AIG1: variants seen among roughly 807,000 people sequenced by gnomAD.
AIG1 encodes the protein androgen-induced gene 1 protein.
A neutral mutation model predicts 31.4 loss-of-function variants in AIG1; 23 were observed. The observed-to-expected ratio is 0.73, with a 90% CI of 0.53 to 1.04. The LOEUF is 1.04. Among genes scored for constraint, AIG1 ranks in the 50% least tolerant of loss-of-function variants. The pLI, the probability that AIG1 is intolerant of heterozygous loss-of-function variation, is 0.00. For missense variants in AIG1, 274 were observed against 295.0 expected, an observed-to-expected ratio of 0.93 and a Z score of 0.52; for synonymous variants, 100 against 110.5, an observed-to-expected ratio of 0.90 and a Z score of 0.60.
Position 143,146,043 on chromosome 6 carries a change from C to T in AIG1, c.297+9053C>T, listed in dbSNP as rs935587553. Reference sequence around the variant, plus strand: ...ATGAAATGGTTTAATTTCTAAAGCTCCATATAAAATTTGTCAGAGGTGTCC... The same window carrying T: ...ATGAAATGGTTTAATTTCTAAAGCTTCATATAAAATTTGTCAGAGGTGTCC... On this transcript the variant is annotated intron_variant, in intron 2 of 5. Transcript: ENST00000357847. Among the ~76,000 whole-genome samples the T allele has an allele frequency of 6.8e-4, 103 of 152,184 alleles. 1 individual carries two copies. The highest frequency in any genetic ancestry group is 2.4e-3 in the African/African-American group (99 of 41,534).
At chr6:143,141,781 A>G (rs926764183) in intron 2 of AIG1, among the ~76,000 whole-genome samples, 3 of 152,226 alleles carry the variant, frequency 2.0e-5, no homozygotes, top group Non-Finnish European at 4.4e-5. Flanking sequence ...GAAGTTTATT[A>G]GCAGCAATCA....
chr6:143,281,713 T>C (rs1485947203), intron 3 of AIG1, among the ~76,000 whole-genome samples: 5 of 152,224 alleles, frequency 3.3e-5, no homozygotes, highest in Non-Finnish European at 7.3e-5. Context: ...GTACTATGTA[T>C]AAATAAACAT....
At chr6:143,178,437 T>C (rs544165127) in intron 3 of AIG1, among the ~76,000 whole-genome samples, 2 of 152,192 alleles carry the variant, frequency 1.3e-5, no homozygotes, top group Non-Finnish European at 2.9e-5. Flanking sequence ...GGTTTCCAGG[T>C]AGCTCCCTAT....
chr6:143,250,496 T>C (rs1438225313), intron 3 of AIG1, among the ~76,000 whole-genome samples: 1 of 152,244 alleles, frequency 6.6e-6, no homozygotes, highest in African/African-American at 2.4e-5. Flanking sequence ...AGAGTGATTA[T>C]TAACATATGT....
intron 2 of AIG1, among the ~76,000 whole-genome samples, chr6:143,164,540 T>C (rs965524062): frequency 2.0e-5 from 3 of 152,244 alleles, no homozygotes; most frequent in African/African-American, 7.2e-5. Flanking sequence ...TTGCTTAGTC[T>C]GTATAAATTA....
chr6:143,262,349 T>A (rs1583659864), intron 3 of AIG1, among the ~76,000 whole-genome samples: 1 of 152,248 alleles, frequency 6.6e-6, no homozygotes, highest in African/African-American at 2.4e-5. Context: ...CGCAAGTAAG[T>A]AGTAGGAAGA....
intron 3 of AIG1, among the ~76,000 whole-genome samples, chr6:143,222,858 G>A (rs978978150): frequency 7.2e-5 from 11 of 152,154 alleles, no homozygotes; most frequent in African/African-American, 2.4e-4. Context: ...TTCCAAAGCA[G>A]CTCCAAGCCT....
At chr6:143,195,360 G>A (rs1429858285) in intron 3 of AIG1, among the ~76,000 whole-genome samples, 2 of 152,192 alleles carry the variant, frequency 1.3e-5, no homozygotes, top group Non-Finnish European at 2.9e-5. Flanking sequence ...TACCCTCTAG[G>A]AAATAAGAAG....
At chr6:143,168,231 A>G (rs902768653) in intron 3 of AIG1, among the ~76,000 whole-genome samples, 12 of 152,086 alleles carry the variant, frequency 7.9e-5, no homozygotes, top group African/African-American at 2.9e-4. Context: ...ATATATGGAA[A>G]TAAGTCCATT....
At chr6:143,257,498 T>C (rs970206874) in intron 3 of AIG1, among the ~76,000 whole-genome samples, 3 of 152,230 alleles carry the variant, frequency 2.0e-5, no homozygotes, top group Non-Finnish European at 4.4e-5. Context: ...TTTTTGTATG[T>C]GTATATGTGT....
At chr6:143,195,429 A>G (rs965899575) in intron 3 of AIG1, among the ~76,000 whole-genome samples, 6 of 152,246 alleles carry the variant, frequency 3.9e-5, no homozygotes, top group African/African-American at 1.4e-4. Context: ...TGGGAAACAA[A>G]GGAAACGTGA....
chr6:143,217,623 C>T (rs1370578373), intron 3 of AIG1, among the ~76,000 whole-genome samples: 1 of 152,148 alleles, frequency 6.6e-6, no homozygotes, highest in Admixed American at 6.5e-5. Context: ...ATTCTCTTCC[C>T]TTAGCCTCCC....
At chr6:143,101,031 A>G (rs1780230197) in intron 1 of AIG1, among the ~76,000 whole-genome samples, 1 of 152,074 alleles carries the variant, frequency 6.6e-6, no homozygotes, top group South Asian at 2.1e-4. Flanking sequence ...AAAATTTTCA[A>G]GTTTTATTTC....
At chr6:143,262,305 G>A (rs1242973305) in intron 3 of AIG1, among the ~76,000 whole-genome samples, 1 of 152,146 alleles carries the variant, frequency 6.6e-6, no homozygotes, top group Non-Finnish European at 1.5e-5. Flanking sequence ...CATTTCCAAG[G>A]TACTTTTTTC....
At chr6:143,315,052 T>C (rs554685700) in intron 4 of AIG1, among the ~76,000 whole-genome samples, 2 of 152,266 alleles carry the variant, frequency 1.3e-5, no homozygotes, top group African/African-American at 4.8e-5. Flanking sequence ...ACATATTCAG[T>C]GACCGAGAAT....
downstream of AIG1, among the ~76,000 whole-genome samples, chr6:143,341,750 A>G (rs76184032): frequency 0.04 from 6,157 of 152,272 alleles, 203 homozygotes; most frequent in African/African-American, 0.069. Flanking sequence ...ACATTTTGCT[A>G]TGTCAGTAAC....
intron 1 of AIG1, among the ~76,000 whole-genome samples, chr6:143,072,230 G>A (rs1255411243): frequency 6.6e-6 from 1 of 152,094 alleles, no homozygotes; most frequent in African/African-American, 2.4e-5. Flanking sequence ...GTTGTTTATT[G>A]TTAGTGTATA....
chr6:143,210,271 C>G (rs1047686414), intron 3 of AIG1, among the ~76,000 whole-genome samples: 1 of 152,180 alleles, frequency 6.6e-6, no homozygotes, highest in African/African-American at 2.4e-5. Flanking sequence ...TGAGTCAAAC[C>G]TTTTTCCTTT....
At chr6:143,275,611 C>T (rs1796836265) in intron 3 of AIG1, among the ~76,000 whole-genome samples, 1 of 152,046 alleles carries the variant, frequency 6.6e-6, no homozygotes, top group Admixed American at 6.6e-5. Context: ...TCTCCTTGGC[C>T]ATGTGAATGA....
Sources: allele counts gnomAD v4.1 joint callset (sites outside exome capture counted in the v4.1 genomes callset), GRCh38; gene constraint gnomAD v4.1.1; transcripts MANE v1.5; gene names NCBI Gene and HGNC (gene_info 2026-07-23, HGNC 2026-07-21).